HIP1: variants seen among roughly 807,000 people sequenced by gnomAD.
The protein encoded by HIP1 is huntingtin interacting protein 1.
A neutral mutation model predicts 147.6 loss-of-function variants in HIP1; 65 were observed. The ratio of observed to expected loss-of-function variants is 0.44; its 90% confidence interval spans 0.36 to 0.54. The LOEUF (loss-of-function observed/expected upper bound fraction) is 0.54. Among genes scored for constraint, HIP1 ranks in the 20% least tolerant of loss-of-function variants. HIP1 has a pLI of 0.00. For missense variants in HIP1, 1,061 were observed against 1,299.6 expected, an observed-to-expected ratio of 0.82 and a Z score of 2.82; for synonymous variants, 479 against 504.0, an observed-to-expected ratio of 0.95 and a Z score of 0.67.
chr7:75,703,342 C>T (rs1210930376), intron 1 of HIP1, among the ~76,000 whole-genome samples: 2 of 151,540 alleles, frequency 1.3e-5, no homozygotes, highest in East Asian at 1.9e-4. Flanking sequence ...AGCAAGACTC[C>T]GTCTCAAAAA....
chr7:75,564,753 C>T (rs1795346368), intron 9 of HIP1, among the ~76,000 whole-genome samples: 1 of 151,630 alleles, frequency 6.6e-6, no homozygotes, highest in Non-Finnish European at 1.5e-5. Flanking sequence ...TGCCACCACA[C>T]CTGGCTAATT....
intron 1 of HIP1, among the ~76,000 whole-genome samples, chr7:75,673,041 A>G (rs1799774175): frequency 1.8e-5 from 2 of 112,086 alleles, no homozygotes; most frequent in Admixed American, 9.5e-5. Context: ...TTTTTTTTTG[A>G]GATGGAGTCT....
Position 75,568,376 on chromosome 7 carries a change from G to A in HIP1, c.746-120C>T. 2 of 738,340 alleles carry A rather than the reference G, an allele frequency of 2.7e-6. No individual in the cohort carries two copies. The allele number at this position is 738,340 out of a possible 1,614,324, so 45.7% of individuals were successfully genotyped here. A position where few individuals can be genotyped will look rare whatever the true frequency, so the allele number is the denominator to read the frequency against. Reference sequence around the variant, plus strand: ...GGGGCATGTGGCCAGCACTGCCAGGGGCCACGACTGGCCTAGAGCTGTCCC... The same window carrying A: ...GGGGCATGTGGCCAGCACTGCCAGGAGCCACGACTGGCCTAGAGCTGTCCC... On this transcript the variant is annotated intron_variant, in intron 8 of 30. Coordinates refer to ENST00000336926, the MANE Select transcript of HIP1 (RefSeq NM_005338.7). This position sits in a 1 kb window ranked among gnomAD's most constrained non-coding sequence, Gnocchi z 4.1.
chr7:75,717,550 G>A (rs561727926), intron 1 of HIP1, among the ~76,000 whole-genome samples: 1 of 151,934 alleles, frequency 6.6e-6, no homozygotes, highest in African/African-American at 2.4e-5. Context: ...AATTAGCCGG[G>A]GCCCGGTGTG....
intron 1 of HIP1, among the ~76,000 whole-genome samples, chr7:75,628,243 C>T (rs1554508285): frequency 1.3e-5 from 2 of 152,078 alleles, no homozygotes; most frequent in African/African-American, 2.4e-5. Context: ...GTGAAGTATC[C>T]CAAGTGCTTG....
intron 1 of HIP1, among the ~76,000 whole-genome samples, chr7:75,679,079 C>T (rs1221987104): frequency 6.7e-6 from 1 of 149,018 alleles, no homozygotes; most frequent in African/African-American, 2.5e-5. Context: ...CATCTTCAAC[C>T]TCACACTCTC....
At chr7:75,724,791 T>C (rs1801602861) in intron 1 of HIP1, among the ~76,000 whole-genome samples, 1 of 152,218 alleles carries the variant, frequency 6.6e-6, no homozygotes, top group Admixed American at 6.5e-5. Flanking sequence ...AGCAACACTC[T>C]GAGTCTGGCT....
intron 1 of HIP1, among the ~76,000 whole-genome samples, chr7:75,647,211 CAAAAAAAAAAAAAAAAAAAAAAAA>C (rs60972195): frequency 0.013 from 773 of 58,078 alleles, 23 homozygotes; most frequent in African/African-American, 0.05. Context: ...ACTAAAAATA[CAAAAAAAAAAAAAAAAAAAAAAAA>C]AAAAAAAAAA....
At chr7:75,657,809 G>T (rs547212425) in intron 1 of HIP1, among the ~76,000 whole-genome samples, 4 of 151,978 alleles carry the variant, frequency 2.6e-5, no homozygotes, top group African/African-American at 7.2e-5. Flanking sequence ...ATGGGCGATG[G>T]GATCATTTGA....
At chr7:75,716,551 G>A (rs542217868) in intron 1 of HIP1, among the ~76,000 whole-genome samples, 63 of 141,730 alleles carry the variant, frequency 4.4e-4, no homozygotes, top group African/African-American at 1.6e-3. Flanking sequence ...ATGGAGTCTC[G>A]CTCTGTCACC....
intron 1 of HIP1, among the ~76,000 whole-genome samples, chr7:75,697,378 CAACACAGTTCTCTAAAAA>C (rs1800672955): frequency 6.6e-6 from 1 of 150,788 alleles, no homozygotes; most frequent in South Asian, 2.1e-4. Context: ...TCAGCCTGGG[CAACACAGTTCTCTAAAAA>C]AACACAGTTC....
intron 4 of HIP1, among the ~76,000 whole-genome samples, chr7:75,589,496 C>T (rs1191539873): frequency 2.6e-5 from 4 of 151,576 alleles, no homozygotes; most frequent in Non-Finnish European, 5.9e-5. Context: ...ACCAGCCTGG[C>T]CAACATGGCA....
chr7:75,725,025 G>C (rs1554522208), intron 1 of HIP1, among the ~76,000 whole-genome samples: 1 of 152,032 alleles, frequency 6.6e-6, no homozygotes, highest in Non-Finnish European at 1.5e-5. Context: ...GGGGAGTTCT[G>C]TTGTGTTGGT....
intron 3 of HIP1, 107 bp from the exon 4 acceptor site, chr7:75,592,219 G>T: frequency 7.3e-7 from 1 of 1,371,932 alleles, no homozygotes; most frequent in Non-Finnish European, 1.0e-6. Context: ...GGGACAGGCT[G>T]ATGGGAGGGA....
At chr7:75,609,903 C>CTTTTTT (rs56106169) in intron 1 of HIP1, among the ~76,000 whole-genome samples, 6 of 131,002 alleles carry the variant, frequency 4.6e-5, no homozygotes, top group African/African-American at 8.5e-5. Flanking sequence ...CTCTTCTTTT[C>CTTTTTT]TTTTTTTTTT....
chr7:75,533,814 T>C lies in HIP1; in HGVS notation c.*4358A>G. ...GGTCTGGACCTGGGAGAGGAAGGAA[T>C]TTGGCAGCAAACAGCTGGCTGGTTT... On this transcript the variant is annotated 3_prime_UTR_variant, in exon 31 of 31. Coordinates refer to ENST00000336926, the MANE Select transcript of HIP1 (RefSeq NM_005338.7). 4.3e-6 allele frequency: 1 copy of C among 234,532 alleles called. No individual in the cohort carries two copies. The highest frequency in any genetic ancestry group is 1.8e-4 in the South Asian group (1 of 5,530). 14.5% of individuals were successfully genotyped at this position (234,532 alleles called of 1,614,324 possible).
In HIP1 at chr7:75,722,804, T is replaced by C. The variant is rs1457734758; in HGVS notation, c.120+15997A>G. Among the ~76,000 whole-genome samples the C allele has an allele frequency of 2.0e-5, 3 of 152,198 alleles. No homozygotes were observed. In the East Asian group the frequency reaches 5.8e-4, roughly 29 times the overall value. On this transcript the variant is annotated intron_variant, in intron 1 of 30. Transcript: ENST00000336926. ...ATATCTGTGATCCCCAAACTTGGAA[T>C]TGCAACAAAGAACTCCATGGCTCAG...
At chr7:75,697,487 T>C (rs1485195853) in intron 1 of HIP1, among the ~76,000 whole-genome samples, 1 of 152,194 alleles carries the variant, frequency 6.6e-6, no homozygotes, top group Non-Finnish European at 1.5e-5. Flanking sequence ...AAGTTTCTCC[T>C]GGATGTATTC....
chr7:75,557,970 C>T (rs1445561914), intron 15 of HIP1, among the ~76,000 whole-genome samples, 197 bp downstream of exon 15: 1 of 152,170 alleles, frequency 6.6e-6, no homozygotes, highest in Non-Finnish European at 1.5e-5. Flanking sequence ...GGTGGGTGAC[C>T]TACATGGGAT....
Sources: gnomAD v4.1 joint callset for allele counts (sites outside exome capture counted in the v4.1 genomes callset) on GRCh38, gnomAD v4.1.1 for gene constraint, Gnocchi (gnomAD v3.1) non-coding constraint, MANE v1.5 for transcripts, NCBI Gene and HGNC (gene_info 2026-07-23, HGNC 2026-07-21) for gene names.